The following CDK13 variants were observed in gnomAD, a reference collection of about 807,000 sequenced individuals.
CDK13 encodes the protein cyclin-dependent kinase 13.
CDK13 carries 40 observed loss-of-function variants against 137.6 expected under a neutral mutation model. The observed-to-expected ratio is 0.29, with a 90% CI of 0.23 to 0.38. CDK13 has a LOEUF of 0.38. CDK13 is among the 10% of genes least tolerant of loss of function. The probability of loss-of-function intolerance (pLI) is 1.00; values close to 1 mark genes in which losing one functional copy is unlikely to be tolerated. For synonymous variants in CDK13, 869 were observed against 760.1 expected, an observed-to-expected ratio of 1.14 and a Z score of -2.36; for missense variants, 1,704 against 1,951.8, an observed-to-expected ratio of 0.87 and a Z score of 2.39.
chr7:39,963,525 C>G (rs1783799027), intron 1 of CDK13, among the ~76,000 whole-genome samples: 2 of 152,308 alleles, frequency 1.3e-5, no homozygotes, highest in South Asian at 4.1e-4. Flanking sequence ...AGATTTTGGG[C>G]TGAGATGTTG....
At chr7:40,043,971 A>G (rs926110485) in intron 5 of CDK13, among the ~76,000 whole-genome samples, 1 of 146,500 alleles carries the variant, frequency 6.8e-6, no homozygotes, top group African/African-American at 2.5e-5. Context: ...ACCTCGGCTC[A>G]CTGCAACCTC....
At chr7:40,026,453 T>C (rs545358020) in intron 5 of CDK13, among the ~76,000 whole-genome samples, 2 of 149,896 alleles carry the variant, frequency 1.3e-5, no homozygotes, top group South Asian at 4.2e-4. Flanking sequence ...GTCAAGGCTT[T>C]AGTGAGCTGC....
chr7:40,074,167 T>C lies in CDK13; in HGVS notation c.2781-3838T>C, dbSNP rs150027763. Among the ~76,000 whole-genome samples, 957 of 152,106 alleles carry C rather than the reference T, an allele frequency of 6.3e-3. 39 individuals are homozygous for C. Among genetic ancestry groups the C allele is most frequent in the Admixed American group, 0.054 (829 of 15,298 alleles). On this transcript the variant is annotated intron_variant, in intron 9 of 13. Coordinates refer to ENST00000181839, the MANE Select transcript of CDK13 (RefSeq NM_003718.5). Reference sequence around the variant, plus strand: ...CACCTGCATCGGCCTTCCAAAGTGCTGTGATTAGAGGCATGAGCCATCATG... The same window carrying C: ...CACCTGCATCGGCCTTCCAAAGTGCCGTGATTAGAGGCATGAGCCATCATG...
Position 39,950,589 on chromosome 7 carries a change from C to G in CDK13, c.-53C>G. 2 of 1,288,820 alleles carry G rather than the reference C, an allele frequency of 1.6e-6. No homozygotes were observed. Among genetic ancestry groups the G allele is most frequent in the Non-Finnish European group, 9.8e-7 (1 of 1,018,832 alleles). 79.8% of individuals were successfully genotyped at this position (1,288,820 alleles called of 1,614,324 possible). A position where few individuals can be genotyped will look rare whatever the true frequency, so the allele number is the denominator to read the frequency against. ...TTCCGGCGGGGGAGATGGCCAGGAT[C>G]TGACCCGGGAGGAGGCCGCACCCGC... is the stretch of plus-strand genomic sequence containing the variant. On this transcript the variant is annotated 5_prime_UTR_variant, in exon 1 of 14. It adds an upstream start codon to the 5' untranslated region. Transcript: ENST00000181839.
intron 12 of CDK13, 24 bp from the exon 13 acceptor site, chr7:40,092,761 T>C: frequency 6.3e-7 from 1 of 1,575,916 alleles, no homozygotes; most frequent in Non-Finnish European, 8.7e-7. Flanking sequence ...ATGACAGTTC[T>C]AATTAATATA....
intron 5 of CDK13, among the ~76,000 whole-genome samples, chr7:40,029,673 G>A (rs1785324932): frequency 6.6e-6 from 1 of 150,784 alleles, no homozygotes; most frequent in Admixed American, 6.6e-5. Flanking sequence ...TTTTTTTTGA[G>A]ACAGCGTCTC....
At chr7:40,044,736 A>G (rs1462541417) in intron 5 of CDK13, among the ~76,000 whole-genome samples, 2 of 152,112 alleles carry the variant, frequency 1.3e-5, no homozygotes, top group Non-Finnish European at 1.5e-5. Flanking sequence ...TCCCGGGTTC[A>G]TGCCATTCTC....
At chr7:39,971,469 A>T (rs921415403) in intron 1 of CDK13, among the ~76,000 whole-genome samples, 1 of 152,174 alleles carries the variant, frequency 6.6e-6, no homozygotes, top group African/African-American at 2.4e-5. Context: ...ATGAGCCAAG[A>T]TCTTGCCACT....
At position 39,951,711 on chromosome 7, in the gene CDK13, G is replaced by A. The variant is rs780925084; in HGVS notation, c.1070G>A (p.Arg357His). The A allele has an allele frequency of 1.4e-6, 2 of 1,471,368 alleles. No homozygotes were observed. The highest frequency in any genetic ancestry group is 2.5e-5 in the Admixed American group (1 of 39,306). The allele number at this position is 1,471,368 out of a possible 1,614,324, so 91.1% of individuals were successfully genotyped here. ...AGCCCCTATTCTCGGCGGCTGCCGCGCTCCCCGAGCCCCTACAGTCGCCGC... is the reference window on the plus strand; with the variant it reads ...AGCCCCTATTCTCGGCGGCTGCCGCACTCCCCGAGCCCCTACAGTCGCCGC... ...GSSPYSRRLP[R>H]SPSPYSRRRS... The change falls in exon 1 of 14, where the codon CGC becomes CAC. Residue 357 changes from arginine to histidine, a missense_variant. Physicochemically the swap from Arg to His is conservative, Grantham distance 29. This residue lies in a region of CDK13 where 1,051 missense variants were observed against 931.0 expected (regional missense o/e 1.13). Transcript: ENST00000181839.
intron 1 of CDK13, among the ~76,000 whole-genome samples, chr7:39,956,135 A>C (rs534742057): frequency 1.4e-4 from 22 of 152,362 alleles, no homozygotes; most frequent in South Asian, 8.3e-4. Context: ...GATTTAATAT[A>C]TACTTAATAG....
At chr7:40,034,013 C>T (rs1030455468) in intron 5 of CDK13, among the ~76,000 whole-genome samples, 11 of 152,160 alleles carry the variant, frequency 7.2e-5, no homozygotes, top group African/African-American at 2.4e-4. Flanking sequence ...CTCTTGAAGT[C>T]AGGCCTTGTT....
In CDK13 at chr7:40,090,368, A is replaced by AT. The variant is rs199502869; in HGVS notation, c.3235+2046dup. ...TTTTTATTTTCCTTTTTTAACTTTA[A>AT]TTTTTTTTTGAGACAGTCTCTGTCA... On this transcript the variant is annotated intron_variant, in intron 12 of 13. Coordinates refer to ENST00000181839, the MANE Select transcript of CDK13 (RefSeq NM_003718.5). Among the ~76,000 whole-genome samples the AT allele has an allele frequency of 4.0e-5, 6 of 151,314 alleles. No individual in the cohort carries two copies. In the East Asian group the frequency reaches 5.9e-4, roughly 15 times the overall value.
chr7:40,030,422 ATTTTTTTTTTTT>A (rs34922492), intron 5 of CDK13, among the ~76,000 whole-genome samples: 5 of 66,012 alleles, frequency 7.6e-5, no homozygotes, highest in East Asian at 7.7e-4. Context: ...GCAACCACTG[ATTTTTTTTTTTT>A]TTTTTTTTTT....
In CDK13 at chr7:40,052,445, A is replaced by C. The variant is rs375149259; in HGVS notation, c.2600+4568A>C. On this transcript the variant is annotated intron_variant, in intron 7 of 13. Transcript: ENST00000181839. The stretch of plus-strand genomic sequence containing the variant: ...ACCCACCTCTGCCTCCCAAAGTGCT[A>C]GGATTACAGGTGTGAGCCACTGTGC... 1.1e-4 allele frequency among the ~76,000 whole-genome samples: 16 copies of C among 152,266 alleles called. No homozygotes were observed. The East Asian group carries it at 2.9e-3, about 28-fold the overall frequency.
rs1787080821 is a variant in CDK13, at chr7:40,098,029, T to C, written c.*3049T>C. 1 of 152,110 alleles carries C rather than the reference T, an allele frequency of 6.6e-6. No individual in the cohort carries two copies. The highest frequency in any genetic ancestry group is 2.1e-4 in the South Asian group (1 of 4,832). The allele number at this position is 152,110 out of a possible 1,614,324, so 9.4% of individuals were successfully genotyped here. Reference sequence around the variant, plus strand: ...TAAATGTCTGGAGAAGTTAGTGGTATTTGCTACCCTCAGCTGTATCTAAAT... The same window carrying C: ...TAAATGTCTGGAGAAGTTAGTGGTACTTGCTACCCTCAGCTGTATCTAAAT... On this transcript the variant is annotated 3_prime_UTR_variant, in exon 14 of 14. Transcript: ENST00000181839.
intron 5 of CDK13, among the ~76,000 whole-genome samples, chr7:40,045,607 A>G (rs1785718908): frequency 6.6e-6 from 1 of 150,884 alleles, no homozygotes; most frequent in African/African-American, 2.4e-5. Context: ...TTTTAAAATC[A>G]TAACTGTTTT....
At chr7:40,076,498 G>T (rs548712852) in intron 9 of CDK13, among the ~76,000 whole-genome samples, 3 of 152,140 alleles carry the variant, frequency 2.0e-5, no homozygotes, top group Non-Finnish European at 4.4e-5. Context: ...GGCAGATTGG[G>T]ACCAGATCTA....
intron 7 of CDK13, among the ~76,000 whole-genome samples, chr7:40,054,979 G>A (rs550788316): frequency 6.6e-6 from 1 of 152,196 alleles, no homozygotes; most frequent in African/African-American, 2.4e-5. Context: ...CTAGAAGTTC[G>A]AGTCCAGCCT....
intron 1 of CDK13, among the ~76,000 whole-genome samples, chr7:39,968,818 A>G (rs894829035): frequency 6.6e-6 from 1 of 152,218 alleles, no homozygotes; most frequent in Non-Finnish European, 1.5e-5. Context: ...CCACTGAATC[A>G]GAGTCTTGAA....
Sources: gnomAD v4.1 joint callset for allele counts (sites outside exome capture counted in the v4.1 genomes callset) on GRCh38, gnomAD v4.1.1 for gene constraint, gnomAD v4.1.1 regional missense constraint, MANE v1.5 for transcripts, NCBI Gene and HGNC (gene_info 2026-07-23, HGNC 2026-07-21) for gene names.